ZNF718: variants seen among roughly 807,000 people sequenced by gnomAD.
The protein encoded by ZNF718 is zinc finger protein 718.
A neutral mutation model predicts 2.6 loss-of-function variants in ZNF718; 3 were observed. That is an observed-to-expected ratio of 1.16 (90% confidence interval 0.53 to 3.01). The LOEUF is 3.01. Ranked by LOEUF, ZNF718 falls within the 30% of genes most tolerant of loss-of-function variation. ZNF718 has a pLI of 0.03. For missense variants in ZNF718, 468 were observed against 230.0 expected (o/e 2.03, Z -6.69); for synonymous variants, 135 against 77.9 (o/e 1.73, Z -3.86).
At chr4:198,290 A>G (rs1553822320) in intron 3 of ZNF718, among the ~76,000 whole-genome samples, 1 of 152,192 alleles carries the variant, frequency 6.6e-6, no homozygotes, top group African/African-American at 2.4e-5. Context: ...GAGGGGGTCC[A>G]CGTCATCCAG....
At position 161,155 on chromosome 4, in the gene ZNF718, A is replaced by G; in HGVS notation, c.470A>G (p.Asn157Ser). The change falls in exon 4 of 4, where the codon AAT becomes AGT. Residue 157 changes from asparagine (N) to serine (S), a missense_variant. By Grantham distance (46) the Asn-to-Ser change is conservative. Transcript: ENST00000510175. Reference sequence around the variant, plus strand: ...GTCAAAGTTTTTCATAAATTTTCAAATTCAAACAAAGATAAGATAAGATAT... The same window carrying G: ...GTCAAAGTTTTTCATAAATTTTCAAGTTCAAACAAAGATAAGATAAGATAT... ...ICVKVFHKFS[N>S]SNKDKIRYTG... 1 of 759,130 alleles carries G rather than the reference A, an allele frequency of 1.3e-6. No homozygotes were observed. Among genetic ancestry groups the G allele is most frequent in the South Asian group, 1.4e-5 (1 of 72,474 alleles). 47.0% of individuals were successfully genotyped at this position (759,130 alleles called of 1,614,324 possible).
At chr4:165,271 A>G (rs6842197), downstream of ZNF718, among the ~76,000 whole-genome samples, 80,123 of 151,922 alleles carry the variant, frequency 0.53, 21,525 homozygotes, top group East Asian at 0.8. Flanking sequence ...TAGCTTATCA[A>G]TGCAACATTT....
chr4:146,424 T>A (rs1716067872), intron 3 of ZNF718, among the ~76,000 whole-genome samples: 1 of 152,128 alleles, frequency 6.6e-6, no homozygotes, highest in Non-Finnish European at 1.5e-5. Context: ...TGTTCCCTTA[T>A]ATGAGAAGAA....
At chr4:140,765 CTGTTA>C (rs1202800604) in intron 3 of ZNF718, among the ~76,000 whole-genome samples, 2 of 152,128 alleles carry the variant, frequency 1.3e-5, no homozygotes, top group African/African-American at 4.8e-5. Flanking sequence ...TGTACACTTA[CTGTTA>C]TATGTTATGT....
At position 161,699 on chromosome 4, in the gene ZNF718, C is replaced by G. The variant is rs561409260; in HGVS notation, c.1014C>G (p.Pro338=). 1 of 779,032 alleles carries G rather than the reference C, an allele frequency of 1.3e-6. No homozygotes were observed. Among genetic ancestry groups the G allele is most frequent in the African/African-American group, 1.7e-5 (1 of 59,188 alleles). The allele number at this position is 779,032 out of a possible 1,614,324, so 48.3% of individuals were successfully genotyped here. The change falls in exon 4 of 4, where the codon CCC becomes CCG. Residue 338 remains proline (P), a synonymous_variant. Coordinates refer to ENST00000510175, the MANE Select transcript of ZNF718 (RefSeq NM_001039127.6). The part of the protein sequence containing the change: ...KHKRIHTGEK[P]YKCEECGKSF... ...AGAGAATTCATACAGGAGAGAAACC[C>G]TACAAATGTGAAGAATGTGGAAAAT...
At position 124,927 on chromosome 4, in the gene ZNF718, G is replaced by C. The variant is rs1360363786; in HGVS notation, c.3+254G>C. On this transcript the variant is annotated intron_variant, in intron 1 of 3. Coordinates refer to ENST00000510175, the MANE Select transcript of ZNF718 (RefSeq NM_001039127.6). ...TGTGGAGTGAGTAGGAGCTCATCCG[G>C]AAGACACCGCGGCGGCCTGCGCGGT... The C allele has an allele frequency of 6.9e-6, 3 of 436,516 alleles. No individual in the cohort carries two copies. The East Asian group carries it at 1.4e-4, about 20-fold the overall frequency. 27.0% of individuals were successfully genotyped at this position (436,516 alleles called of 1,614,324 possible).
rs184327270 is a variant in ZNF718 at position 189,294 on chromosome 4, A to C, written c.227-11787A>C. On this transcript the variant is annotated intron_variant and NMD_transcript_variant, in intron 3 of 4. Transcript: ENST00000642529. Reference sequence around the variant, plus strand: ...ATTGATAACCTTGAATATTAGATATATCTTTCCTTATACAGTTTTAAAAAT... The same window carrying C: ...ATTGATAACCTTGAATATTAGATATCTCTTTCCTTATACAGTTTTAAAAAT... 1.1e-3 allele frequency among the ~76,000 whole-genome samples: 170 copies of C among 152,190 alleles called. 1 individual carries two copies. Among genetic ancestry groups the C allele is most frequent in the Non-Finnish European group, 2.0e-3 (137 of 67,996 alleles).
intron 3 of ZNF718, among the ~76,000 whole-genome samples, chr4:158,207 T>C (rs1365587810): frequency 2.0e-5 from 3 of 152,142 alleles, no homozygotes; most frequent in African/African-American, 4.8e-5. Context: ...TCTTATTTGG[T>C]TATTTGCATG....
In ZNF718 at chr4:139,982, C is replaced by G. The variant is rs575434081; in HGVS notation, c.226+8477C>G. Among the ~76,000 whole-genome samples, 86 of 152,060 alleles carry G rather than the reference C, an allele frequency of 5.7e-4. 1 individual carries two copies. The highest frequency in any genetic ancestry group is 1.9e-3 in the African/African-American group (80 of 41,466). ...CCTTTATTTCTCAGTCTTTAAGTCG[C>G]TGTTTATAATTGCCCTGCCCAGAAG... On this transcript the variant is annotated intron_variant, in intron 3 of 3. Coordinates refer to ENST00000510175, the MANE Select transcript of ZNF718 (RefSeq NM_001039127.6).
At chr4:181,996 C>T (rs545954575) in intron 3 of ZNF718, among the ~76,000 whole-genome samples, 3 of 152,216 alleles carry the variant, frequency 2.0e-5, no homozygotes, top group Admixed American at 6.5e-5. Flanking sequence ...GACATGATCT[C>T]GTTCCTTTTT....
intron 3 of ZNF718, among the ~76,000 whole-genome samples, chr4:178,132 G>T (rs1553819331): frequency 6.7e-6 from 1 of 148,396 alleles, no homozygotes; most frequent in Non-Finnish European, 1.5e-5. Context: ...TGGATTGTAT[G>T]ATAATTTCAT....
chr4:145,336 A>G (rs1553811032), intron 3 of ZNF718, among the ~76,000 whole-genome samples: 1 of 151,840 alleles, frequency 6.6e-6, no homozygotes, highest in Non-Finnish European at 1.5e-5. Context: ...GTTTTCTTGA[A>G]TTTTTGTTTT....
chr4:178,699 A>C (rs1321289360), intron 3 of ZNF718, among the ~76,000 whole-genome samples: 1 of 152,178 alleles, frequency 6.6e-6, no homozygotes, highest in Non-Finnish European at 1.5e-5. Context: ...CTTTTTAAAG[A>C]AATGTCTTTG....
intron 3 of ZNF718, among the ~76,000 whole-genome samples, chr4:187,213 G>C (rs1717587033): frequency 6.6e-6 from 1 of 151,654 alleles, no homozygotes; most frequent in Non-Finnish European, 1.5e-5. Context: ...TGTTTTTTGG[G>C]GTTTTTTTTG....
intron 3 of ZNF718, among the ~76,000 whole-genome samples, chr4:193,295 C>T (rs1485342429): frequency 6.6e-6 from 1 of 151,974 alleles, no homozygotes; most frequent in African/African-American, 2.4e-5. Flanking sequence ...AGATTGCCAC[C>T]TCTTTAGGTT....
chr4:165,897 G>A (rs1717075762), downstream of ZNF718, among the ~76,000 whole-genome samples: 2 of 152,050 alleles, frequency 1.3e-5, no homozygotes, highest in East Asian at 1.9e-4. Flanking sequence ...TGTGCACAAC[G>A]TGCAGGTTAG....
chr4:158,135 A>G (rs1358745413), intron 3 of ZNF718, among the ~76,000 whole-genome samples: 1 of 152,122 alleles, frequency 6.6e-6, no homozygotes, highest in Admixed American at 6.6e-5. Context: ...TAGTTAAGGC[A>G]TATTTTATGA....
In ZNF718 at chr4:147,396, T is replaced by G. The variant is rs911918935; in HGVS notation, c.227-13516T>G. 3.9e-5 allele frequency among the ~76,000 whole-genome samples: 6 copies of G among 152,182 alleles called. No individual in the cohort carries two copies. In the East Asian group the frequency reaches 9.6e-4, roughly 24 times the overall value. ...TAGTTTGGGGAGGTAAATATCTTCTTCTGTTGGATCTCTGGACTGATGCGA... is the reference window on the plus strand; with the variant it reads ...TAGTTTGGGGAGGTAAATATCTTCTGCTGTTGGATCTCTGGACTGATGCGA... On this transcript the variant is annotated intron_variant, in intron 3 of 3. Coordinates refer to ENST00000510175, the MANE Select transcript of ZNF718 (RefSeq NM_001039127.6).
intron 3 of ZNF718, among the ~76,000 whole-genome samples, chr4:147,724 C>T (rs566756838): frequency 3.3e-5 from 5 of 152,124 alleles, no homozygotes; most frequent in South Asian, 2.1e-4. Context: ...ATTAGCCAGT[C>T]GTGGCAGTGT....
Sources: allele counts gnomAD v4.1 joint callset (sites outside exome capture counted in the v4.1 genomes callset), GRCh38; gene constraint gnomAD v4.1.1; transcripts MANE v1.5; gene names NCBI Gene and HGNC (gene_info 2026-07-23, HGNC 2026-07-21).